The following C1orf105 variants were observed in gnomAD, a reference collection of about 807,000 sequenced individuals.
C1orf105 encodes the protein chromosome 1 open reading frame 105, also known as uncharacterized protein C1orf105.
In C1orf105, 17 loss-of-function variants were observed where a neutral mutation model predicts 20.8. That is an observed-to-expected ratio of 0.82 (90% CI 0.56 to 1.23). The LOEUF is 1.23. Among genes scored for constraint, C1orf105 ranks in the 50% most tolerant of loss-of-function variants. The pLI, the probability that C1orf105 is intolerant of heterozygous loss-of-function variation, is 0.00. For missense variants in C1orf105, 219 were observed against 213.5 expected, an observed-to-expected ratio of 1.03 and a Z score of -0.16; for synonymous variants, 72 against 72.1, an observed-to-expected ratio of 1.00 and a Z score of 0.01.
intron 3 of C1orf105, among the ~76,000 whole-genome samples, chr1:172,451,924 G>A (rs1381150309): frequency 7.3e-6 from 1 of 137,316 alleles, no homozygotes; most frequent in Non-Finnish European, 1.5e-5. Flanking sequence ...CCAGGCTGGA[G>A]TGCAATGGCA....
intron 4 of C1orf105, among the ~76,000 whole-genome samples, chr1:172,460,703 C>T (rs532034318): frequency 1.3e-5 from 2 of 151,840 alleles, no homozygotes; most frequent in South Asian, 4.2e-4. Flanking sequence ...AAGGAGTCAA[C>T]AAATAAATAA....
At chr1:172,429,843 T>C (rs942951009) in intron 1 of C1orf105, among the ~76,000 whole-genome samples, 1 of 152,222 alleles carries the variant, frequency 6.6e-6, no homozygotes, top group Non-Finnish European at 1.5e-5. Context: ...CCTGTCATCC[T>C]ATTGCTCTAC....
intron 5 of C1orf105, among the ~76,000 whole-genome samples, chr1:172,463,767 C>T (rs948724712): frequency 2.6e-5 from 4 of 152,100 alleles, no homozygotes; most frequent in African/African-American, 9.7e-5. Flanking sequence ...GTATTTTAAA[C>T]AAATAGCTCT....
At chr1:172,467,867 T>G (rs1650173247) in intron 6 of C1orf105, among the ~76,000 whole-genome samples, 1 of 152,176 alleles carries the variant, frequency 6.6e-6, no homozygotes, top group Non-Finnish European at 1.5e-5. Flanking sequence ...TTAACCAACT[T>G]TTAATAAATC....
intron 1 of C1orf105, among the ~76,000 whole-genome samples, chr1:172,422,134 A>T (rs1436714205): frequency 6.6e-6 from 1 of 152,086 alleles, no homozygotes; most frequent in Non-Finnish European, 1.5e-5. Flanking sequence ...CGCACGATCT[A>T]GTAAGACACC....
At chr1:172,450,175 G>A (rs991175825) in intron 3 of C1orf105, among the ~76,000 whole-genome samples, 2 of 152,234 alleles carry the variant, frequency 1.3e-5, no homozygotes, top group African/African-American at 4.8e-5. Context: ...GCTGACCCGT[G>A]AGAAGTCCCA....
At chr1:172,442,741 G>A in intron 1 of C1orf105, 1 of 862,056 alleles carries the variant, frequency 1.2e-6, no homozygotes, top group Non-Finnish European at 1.9e-6. Flanking sequence ...CTGTGTTGAT[G>A]TTCTACCAAC....
rs934954393 is a variant in C1orf105 at position 172,452,716 on chromosome 1, G to A, written c.199-3699G>A. The A allele has an allele frequency of 4.3e-6, 4 of 924,762 alleles. No homozygotes were observed. The African/African-American group carries it at 5.4e-5, about 12-fold the overall frequency. The allele number at this position is 924,762 out of a possible 1,614,324, so 57.3% of individuals were successfully genotyped here. A position where few individuals can be genotyped will look rare whatever the true frequency, so the allele number is the denominator to read the frequency against. The stretch of plus-strand genomic sequence containing the variant: ...GTCAAATGTGTTTTTGGCTTCTGGG[G>A]ACTGGCTGAAATCTGCATCATACCT... On this transcript the variant is annotated intron_variant, in intron 3 of 6. Coordinates refer to ENST00000367727, the MANE Select transcript of C1orf105 (RefSeq NM_139240.4).
intron 2 of C1orf105, among the ~76,000 whole-genome samples, chr1:172,446,695 C>G (rs1044840452): frequency 6.6e-6 from 1 of 152,190 alleles, no homozygotes; most frequent in African/African-American, 2.4e-5. Context: ...ATTACACAAG[C>G]CTTTGGCAGA....
chr1:172,429,257 GAC>G (rs1263975061), intron 1 of C1orf105, among the ~76,000 whole-genome samples: 34 of 102,020 alleles, frequency 3.3e-4, no homozygotes, highest in East Asian at 1.0e-3. Context: ...CACACACACA[GAC>G]ACACACACAC....
intron 4 of C1orf105, among the ~76,000 whole-genome samples, chr1:172,457,356 G>A (rs951510404): frequency 2.6e-5 from 4 of 152,152 alleles, no homozygotes; most frequent in African/African-American, 7.2e-5. Context: ...TAGGCTAAAC[G>A]TGCTTTAAAA....
At chr1:172,436,374 G>T (rs954346395) in intron 1 of C1orf105, among the ~76,000 whole-genome samples, 1 of 152,180 alleles carries the variant, frequency 6.6e-6, no homozygotes, top group Non-Finnish European at 1.5e-5. Context: ...AAACAGCATG[G>T]TACTGATACC....
In C1orf105 at chr1:172,445,142, C is replaced by T. The variant is rs770687165; in HGVS notation, c.91C>T (p.Leu31Phe). The T allele has an allele frequency of 6.2e-7, 1 of 1,611,856 alleles. No individual in the cohort carries two copies. The highest frequency in any genetic ancestry group is 8.5e-7 in the Non-Finnish European group (1 of 1,179,098). ...EASLVNKPLV[L>F]SLPRRYPHTS... ...CAGCCTTGTAAACAAGCCATTAGTG[C>T]TCAGCCTTCCCAGAAGGTAACCTCT... The change falls in exon 2 of 7, where the codon CTC becomes TTC. Residue 31 changes from leucine (L) to phenylalanine (F), a missense_variant. By Grantham distance (22) the Leu-to-Phe change is conservative. Coordinates refer to ENST00000367727, the MANE Select transcript of C1orf105 (RefSeq NM_139240.4).
chr1:172,468,339 T>C, intron 6 of C1orf105, 110 bp from the exon 7 acceptor site: 1 of 816,680 alleles, frequency 1.2e-6, no homozygotes, highest in Non-Finnish European at 1.8e-6. Flanking sequence ...ATTTTAAATC[T>C]GTTTTATAAG....
chr1:172,443,092 G>T (rs1647520608), intron 1 of C1orf105: 2 of 169,302 alleles, frequency 1.2e-5, no homozygotes. Context: ...TCACCACCTT[G>T]TAAGTTAGTA....
At chr1:172,448,265 G>T (rs1648232808) in intron 2 of C1orf105, among the ~76,000 whole-genome samples, 176 bp from the exon 3 acceptor site, 1 of 152,198 alleles carries the variant, frequency 6.6e-6, no homozygotes, top group Non-Finnish European at 1.5e-5. Flanking sequence ...AAAAGCCAAA[G>T]TGACATAGGA....
intron 1 of C1orf105, among the ~76,000 whole-genome samples, chr1:172,423,079 C>T (rs1363449561): frequency 6.6e-6 from 1 of 152,222 alleles, no homozygotes; most frequent in Non-Finnish European, 1.5e-5. Flanking sequence ...GGAAAGGACA[C>T]AGCCTTGCTG....
At chr1:172,431,775 C>T (rs2071881193) in intron 1 of C1orf105, among the ~76,000 whole-genome samples, 1 of 152,228 alleles carries the variant, frequency 6.6e-6, no homozygotes, top group Admixed American at 6.5e-5. Context: ...TGAGCCAAAG[C>T]AGGGCGGGGC....
At chr1:172,430,553 C>T (rs1465787643) in intron 1 of C1orf105, among the ~76,000 whole-genome samples, 1 of 152,100 alleles carries the variant, frequency 6.6e-6, no homozygotes, top group Non-Finnish European at 1.5e-5. Context: ...ATCTGCCTGC[C>T]TTAACTTCTC....
Sources: gnomAD v4.1 joint callset for allele counts (sites outside exome capture counted in the v4.1 genomes callset) on GRCh38, gnomAD v4.1.1 for gene constraint, MANE v1.5 for transcripts, NCBI Gene and HGNC (gene_info 2026-07-23, HGNC 2026-07-21) for gene names.